Variants in MPRIP observed in about 807,000 individuals in gnomAD.
MPRIP encodes myosin phosphatase Rho-interacting protein.
Under a neutral mutation model 234.9 loss-of-function variants are expected in MPRIP, and 59 were observed. The ratio of observed to expected loss-of-function variants is 0.25; its 90% CI spans 0.20 to 0.31. The LOEUF is 0.31. Among genes scored for constraint, MPRIP ranks in the 10% least tolerant of loss-of-function variants. The probability of loss-of-function intolerance (pLI) is 1.00; values close to 1 mark genes in which losing one functional copy is unlikely to be tolerated. For missense variants in MPRIP, 2,436 were observed against 3,071.0 expected (o/e 0.79, Z 4.89); for synonymous variants, 1,144 against 1,263.9 (o/e 0.91, Z 2.01).
At chr17:17,092,694 G>A (rs1381471637) in intron 3 of MPRIP, among the ~76,000 whole-genome samples, 3 of 152,138 alleles carry the variant, frequency 2.0e-5, no homozygotes, top group Admixed American at 6.5e-5. Flanking sequence ...AGCAGGAAAG[G>A]GGAGTAAAGT....
chr17:17,102,708 G>A (rs1334157366), intron 3 of MPRIP, among the ~76,000 whole-genome samples: 1 of 152,152 alleles, frequency 6.6e-6, no homozygotes, highest in Non-Finnish European at 1.5e-5. Flanking sequence ...CTGTGGCCCA[G>A]GTGGCATCTG....
chr17:17,090,583 A>G (rs1342228409), intron 3 of MPRIP, among the ~76,000 whole-genome samples: 2 of 152,156 alleles, frequency 1.3e-5, no homozygotes, highest in South Asian at 2.1e-4. Context: ...TCTTGGGGCA[A>G]AAGTCCAAGG....
intron 3 of MPRIP, among the ~76,000 whole-genome samples, chr17:17,102,304 C>T (rs1239636321): frequency 6.6e-6 from 1 of 152,230 alleles, no homozygotes; most frequent in African/African-American, 2.4e-5. Flanking sequence ...CCTTGCCTCT[C>T]CTTTGGCCTA....
intron 3 of MPRIP, among the ~76,000 whole-genome samples, chr17:17,112,937 G>T (rs982646858): frequency 6.6e-6 from 1 of 152,248 alleles, no homozygotes; most frequent in Non-Finnish European, 1.5e-5. Context: ...CAGGAGGCCA[G>T]TGAGGCATCC....
Position 17,066,063 on chromosome 17 carries a change from T to C in MPRIP, c.124-9647T>C, listed in dbSNP as rs143092412. Among the ~76,000 whole-genome samples, 104 of 152,376 alleles carry C rather than the reference T, an allele frequency of 6.8e-4. 1 individual carries two copies. The highest frequency in any genetic ancestry group is 7.7e-4 in the East Asian group (4 of 5,192). Reference sequence around the variant, plus strand: ...TTTTTGTAGATTCTGGGATTTTCTATACAGACAGCTATGTCATCTGTGAAT... The same window carrying C: ...TTTTTGTAGATTCTGGGATTTTCTACACAGACAGCTATGTCATCTGTGAAT... On this transcript the variant is annotated intron_variant, in intron 1 of 23. Transcript: ENST00000651222.
intron 4 of MPRIP, among the ~76,000 whole-genome samples, chr17:17,127,288 CAGT>C (rs2090511273): frequency 6.6e-6 from 1 of 152,246 alleles, no homozygotes; most frequent in African/African-American, 2.4e-5. Context: ...GTGTCTCTGT[CAGT>C]GGTGGTGGGG....
chr17:17,048,761 A>T (rs2088437703), intron 1 of MPRIP, among the ~76,000 whole-genome samples: 1 of 152,320 alleles, frequency 6.6e-6, no homozygotes. Flanking sequence ...CTGCTGTGGA[A>T]ACAGTTTGGG....
At position 17,075,769 on chromosome 17, in the gene MPRIP, C is replaced by T; in HGVS notation, c.183C>T (p.Asn61=). The change falls in exon 2 of 24, where the codon AAC becomes AAT. Residue 61 remains asparagine, a synonymous_variant. Coordinates refer to ENST00000651222, the MANE Select transcript of MPRIP (RefSeq NM_001364716.4). The part of the protein sequence containing the change: ...LLAPDGTDFD[N]PVHRSRKWQR... The stretch of plus-strand genomic sequence containing the variant: ...CTCCAGATGGGACCGACTTTGACAA[C>T]CCAGTGCACCGGTCTCGGGTAAGGG... 1 of 1,614,102 alleles carries T rather than the reference C, an allele frequency of 6.2e-7. No homozygotes were observed. Among genetic ancestry groups the T allele is most frequent in the South Asian group, 1.1e-5 (1 of 91,074 alleles).
chr17:17,074,655 A>C (rs2089285464), intron 1 of MPRIP, among the ~76,000 whole-genome samples: 1 of 152,198 alleles, frequency 6.6e-6, no homozygotes, highest in African/African-American at 2.4e-5. Context: ...CCTTTCCTCC[A>C]GTCCCTGGCG....
intron 3 of MPRIP, chr17:17,097,480 G>A (rs1406693611): frequency 1.3e-5 from 2 of 152,154 alleles, no homozygotes; most frequent in African/African-American, 4.8e-5. Context: ...GTGACAGAGG[G>A]AGACCCTGTC....
intron 3 of MPRIP, among the ~76,000 whole-genome samples, chr17:17,085,726 C>T (rs533738187): frequency 6.6e-6 from 1 of 152,336 alleles, no homozygotes; most frequent in East Asian, 1.9e-4. Context: ...ATCTAGCTAA[C>T]ACGGTGAAAC....
At chr17:17,091,865 C>G (rs1263718688) in intron 3 of MPRIP, among the ~76,000 whole-genome samples, 1 of 152,190 alleles carries the variant, frequency 6.6e-6, no homozygotes, top group Non-Finnish European at 1.5e-5. Flanking sequence ...TATTTGTGCT[C>G]CACGAGAAAA....
At chr17:17,084,960 G>T (rs1280723156) in intron 3 of MPRIP, among the ~76,000 whole-genome samples, 3 of 152,250 alleles carry the variant, frequency 2.0e-5, no homozygotes, top group African/African-American at 7.2e-5. Flanking sequence ...GGCCCTTCAT[G>T]TTTAAAGGAC....
chr17:17,117,698 G>T (rs2090313568), intron 3 of MPRIP, among the ~76,000 whole-genome samples: 1 of 152,166 alleles, frequency 6.6e-6, no homozygotes. Context: ...TCGAGTACCT[G>T]TCTTCTGTTC....
rs2088208102 is a variant in MPRIP, at chr17:17,042,691, C to G, written c.-158C>G. ...CCCGGGCGGCTCAGGAGCCTCGGCG[C>G]GTGCAGCGAACCGCCCGCCGGGAAG... On this transcript the variant is annotated 5_prime_UTR_variant, in exon 1 of 24. Coordinates refer to ENST00000651222, the MANE Select transcript of MPRIP (RefSeq NM_001364716.4). 1 of 784,730 alleles carries G rather than the reference C, an allele frequency of 1.3e-6. No homozygotes were observed. 48.6% of individuals were successfully genotyped at this position (784,730 alleles called of 1,614,324 possible).
chr17:17,119,272 C>A (rs2090344124), intron 3 of MPRIP, among the ~76,000 whole-genome samples: 1 of 152,262 alleles, frequency 6.6e-6, no homozygotes, highest in South Asian at 2.1e-4. Context: ...AGGTGGTGTT[C>A]CTGCCTGGGC....
chr17:17,162,718 G>A (rs773453008), intron 15 of MPRIP, among the ~76,000 whole-genome samples: 9 of 152,184 alleles, frequency 5.9e-5, no homozygotes, highest in Non-Finnish European at 1.3e-4. Flanking sequence ...TCCCAAATTC[G>A]AAAATCTGAA....
At chr17:17,066,412 T>C (rs1194847516) in intron 1 of MPRIP, among the ~76,000 whole-genome samples, 2 of 152,264 alleles carry the variant, frequency 1.3e-5, no homozygotes, top group Non-Finnish European at 2.9e-5. Flanking sequence ...TGGCTTTTCT[T>C]CTGTAGAGCA....
intron 4 of MPRIP, among the ~76,000 whole-genome samples, chr17:17,130,411 C>T (rs572925341): frequency 6.6e-6 from 1 of 151,322 alleles, no homozygotes; most frequent in South Asian, 2.1e-4. Flanking sequence ...CATGCTCTTC[C>T]TCTCTTCGCT....
Sources: allele counts gnomAD v4.1 joint callset (sites outside exome capture counted in the v4.1 genomes callset), GRCh38; gene constraint gnomAD v4.1.1; transcripts MANE v1.5; gene names NCBI Gene and HGNC (gene_info 2026-07-23, HGNC 2026-07-21).